Variants in DSCAML1 observed in about 807,000 individuals in gnomAD.
DSCAML1 encodes the protein DS cell adhesion molecule like 1.
DSCAML1 carries 38 observed loss-of-function variants against 200.5 expected under a neutral mutation model. The ratio of observed to expected loss-of-function variants is 0.19; its 90% CI spans 0.15 to 0.25. The LOEUF is 0.25. Ranked by LOEUF, DSCAML1 falls within the 10% of genes least tolerant of loss-of-function variation. The probability of loss-of-function intolerance (pLI) is 1.00; values close to 1 mark genes in which losing one functional copy is unlikely to be tolerated. For missense variants in DSCAML1, 2,223 were observed against 2,858.8 expected, an observed-to-expected ratio of 0.78 and a Z score of 5.07; for synonymous variants, 1,215 against 1,165.0, an observed-to-expected ratio of 1.04 and a Z score of -0.87.
At chr11:117,705,950 A>G (rs1008220074) in intron 3 of DSCAML1, among the ~76,000 whole-genome samples, 1 of 152,228 alleles carries the variant, frequency 6.6e-6, no homozygotes, top group Non-Finnish European at 1.5e-5. Context: ...ACTTATTAGT[A>G]GGACTTGGCG....
chr11:117,558,246 GA>G (rs1175808455), intron 3 of DSCAML1, among the ~76,000 whole-genome samples: 3 of 152,132 alleles, frequency 2.0e-5, no homozygotes, highest in Non-Finnish European at 4.4e-5. Context: ...ACAGATCCAT[GA>G]AATTTCACGA....
chr11:117,450,299 G>GC (rs1293219362), intron 20 of DSCAML1, among the ~76,000 whole-genome samples: 2 of 152,206 alleles, frequency 1.3e-5, no homozygotes. Context: ...GTTGGGCATG[G>GC]CCCACCTGAC....
chr11:117,516,443 C>A lies in DSCAML1; in HGVS notation c.1783+24G>T, dbSNP rs1319331784. 3.7e-6 allele frequency: 6 copies of A among 1,602,370 alleles called. No homozygotes were observed. Among genetic ancestry groups the A allele is most frequent in the Non-Finnish European group, 5.1e-6 (6 of 1,173,154 alleles). On this transcript the variant is annotated intron_variant, in intron 8 of 32. Transcript: ENST00000651296. The surrounding 1 kb of genome is among the most constrained non-coding windows in gnomAD (Gnocchi z 5.7). ...TCCTGGGTGGTCAGGCGGGCAGGGGCCCTGGCTGGTGAGGGAGGCCTACCT... is the reference window on the plus strand; with the variant it reads ...TCCTGGGTGGTCAGGCGGGCAGGGGACCTGGCTGGTGAGGGAGGCCTACCT...
intron 3 of DSCAML1, among the ~76,000 whole-genome samples, chr11:117,546,844 AT>A (rs1174131927): frequency 2.6e-5 from 4 of 152,056 alleles, no homozygotes; most frequent in Non-Finnish European, 5.9e-5. Context: ...TTGCAACAAG[AT>A]TTTATTTCTA....
intron 3 of DSCAML1, among the ~76,000 whole-genome samples, chr11:117,722,422 G>A (rs1382937914): frequency 6.6e-6 from 1 of 152,124 alleles, no homozygotes; most frequent in Non-Finnish European, 1.5e-5. Flanking sequence ...CAGATCCAAA[G>A]TTACTGCTAG....
chr11:117,542,337 A>G (rs562424684), intron 3 of DSCAML1, among the ~76,000 whole-genome samples: 1 of 151,450 alleles, frequency 6.6e-6, no homozygotes, highest in Non-Finnish European at 1.5e-5. Flanking sequence ...CACAAAAACA[A>G]CAACAACAAC....
chr11:117,706,462 T>A (rs1236964117), intron 3 of DSCAML1, among the ~76,000 whole-genome samples: 1 of 152,166 alleles, frequency 6.6e-6, no homozygotes, highest in Non-Finnish European at 1.5e-5. Context: ...TTAGTTTAGA[T>A]AATCCTGCAG....
rs373469799 is a variant in DSCAML1, at chr11:117,609,773, C to G, written c.512-77251G>C. On this transcript the variant is annotated intron_variant, in intron 3 of 32. Coordinates refer to ENST00000651296, the MANE Select transcript of DSCAML1 (RefSeq NM_020693.4). ...TTTTTATCTATTGCCATATTTGTTT[C>G]AAATGATTTTTTTCTTGGTTTGTAG... 6.6e-5 allele frequency among the ~76,000 whole-genome samples: 10 copies of G among 152,184 alleles called. No homozygotes were observed. In the South Asian group the frequency reaches 2.1e-3, roughly 32 times the overall value.
intron 26 of DSCAML1, among the ~76,000 whole-genome samples, chr11:117,436,855 G>A (rs551238337): frequency 6.6e-6 from 1 of 152,280 alleles, no homozygotes; most frequent in South Asian, 2.1e-4. Flanking sequence ...GAGGACTGCA[G>A]CTTCAAAGAC....
At chr11:117,722,217 G>A (rs1305301825) in intron 3 of DSCAML1, among the ~76,000 whole-genome samples, 2 of 152,000 alleles carry the variant, frequency 1.3e-5, no homozygotes, top group Non-Finnish European at 2.9e-5. Context: ...AAGCCAGAAG[G>A]CTTATGTCCA....
chr11:117,563,352 T>C (rs911318456), intron 3 of DSCAML1, among the ~76,000 whole-genome samples: 1 of 152,146 alleles, frequency 6.6e-6, no homozygotes, highest in Admixed American at 6.5e-5. Flanking sequence ...CAGCTCAGCT[T>C]GGCCCTCCAG....
chr11:117,531,107 G>C (rs1005025356), intron 4 of DSCAML1, among the ~76,000 whole-genome samples: 15 of 152,154 alleles, frequency 9.9e-5, no homozygotes, highest in African/African-American at 3.6e-4. Flanking sequence ...CGTCTGTCTG[G>C]GCATTGTGGT....
chr11:117,620,838 T>C (rs1322439344), intron 3 of DSCAML1, among the ~76,000 whole-genome samples: 1 of 152,230 alleles, frequency 6.6e-6, no homozygotes, highest in African/African-American at 2.4e-5. Context: ...TAAACCTCTC[T>C]GGGTCTCAGT....
intron 3 of DSCAML1, among the ~76,000 whole-genome samples, chr11:117,547,647 G>T (rs756506032): frequency 6.6e-6 from 1 of 152,130 alleles, no homozygotes; most frequent in Non-Finnish European, 1.5e-5. Context: ...CCAACACCCC[G>T]CGTGCTATAA....
rs1446810330 is a variant in DSCAML1 at position 117,498,139 on chromosome 11, A to G, written c.2359+5706T>C. Among the ~76,000 whole-genome samples, 1 of 152,224 alleles carries G rather than the reference A, an allele frequency of 6.6e-6. No individual in the cohort carries two copies. Among genetic ancestry groups the G allele is most frequent in the Non-Finnish European group, 1.5e-5 (1 of 68,026 alleles). On this transcript the variant is annotated intron_variant, in intron 11 of 32. Transcript: ENST00000651296. This position sits in a 1 kb window ranked among gnomAD's most constrained non-coding sequence, Gnocchi z 4.0. ...AGGCGAAGACCAGCCCCAGCCCCCA[A>G]GGAGCTTCAGTCTGTGACGAGATAG...
intron 3 of DSCAML1, among the ~76,000 whole-genome samples, chr11:117,653,507 G>A (rs2052673130): frequency 6.6e-6 from 1 of 152,142 alleles, no homozygotes; most frequent in Non-Finnish European, 1.5e-5. Context: ...TCCCCTGCTT[G>A]TAGACCCCCG....
chr11:117,569,879 G>T (rs541174124), intron 3 of DSCAML1, among the ~76,000 whole-genome samples: 23 of 152,330 alleles, frequency 1.5e-4, no homozygotes, highest in African/African-American at 5.5e-4. Context: ...AGGGCTCTGG[G>T]CCCCTAGGAG....
chr11:117,475,659 C>T (rs2048775862), intron 14 of DSCAML1, among the ~76,000 whole-genome samples: 1 of 152,208 alleles, frequency 6.6e-6, no homozygotes, highest in African/African-American at 2.4e-5. Context: ...CACTGTTTTT[C>T]CCCTTTACTT....
intron 3 of DSCAML1, among the ~76,000 whole-genome samples, chr11:117,615,519 C>T (rs958251111): frequency 2.0e-5 from 3 of 152,062 alleles, no homozygotes; most frequent in African/African-American, 7.2e-5. Context: ...CCCACTGACC[C>T]TAGCCTCTTA....
Sources: gnomAD v4.1 joint callset for allele counts (sites outside exome capture counted in the v4.1 genomes callset) on GRCh38, gnomAD v4.1.1 for gene constraint, Gnocchi (gnomAD v3.1) non-coding constraint, MANE v1.5 for transcripts, NCBI Gene and HGNC (gene_info 2026-07-23, HGNC 2026-07-21) for gene names.